Variants in FAM3D observed in about 807,000 individuals in gnomAD.
FAM3D encodes FAM3 metabolism regulating signaling molecule D.
Under a neutral mutation model 29.8 loss-of-function variants are expected in FAM3D, and 26 were observed. That is an observed-to-expected ratio of 0.87 (90% CI 0.64 to 1.21). The LOEUF (loss-of-function observed/expected upper bound fraction) is 1.21. FAM3D is among the 50% of genes most tolerant of loss of function. FAM3D has a pLI of 0.00. For synonymous variants in FAM3D, 115 were observed against 102.3 expected (o/e 1.12, Z -0.75); for missense variants, 253 against 290.9 (o/e 0.87, Z 0.95).
rs547077564 is a variant in FAM3D at position 58,646,772 on chromosome 3, C to T, written c.146-1146G>A. On this transcript the variant is annotated intron_variant, in intron 4 of 9. Transcript: ENST00000358781. The stretch of plus-strand genomic sequence containing the variant: ...CCAAGACCTTGCTGCATGCAAGGCA[C>T]TGGGGCCAGGACTTTGTGTTTATTA... 2.1e-3 allele frequency among the ~76,000 whole-genome samples: 325 copies of T among 152,342 alleles called. 2 individuals carry two copies. Among genetic ancestry groups the T allele is most frequent in the African/African-American group, 7.3e-3 (302 of 41,572 alleles).
rs369983277 is a variant in FAM3D, at chr3:58,652,854, ATCCATCTG to A, written c.121+812_121+819del. ...TCTTCACTCATCCATCCATCTGTCC[ATCCATCTG>A]TCCATCCATCCATCCATCCATCCAT... On this transcript the variant is annotated intron_variant, in intron 3 of 9. Transcript: ENST00000358781. Among the ~76,000 whole-genome samples, 56 of 134,382 alleles carry A rather than the reference ATCCATCTG, an allele frequency of 4.2e-4. 1 individual carries two copies. Among genetic ancestry groups the A allele is most frequent in the South Asian group, 8.4e-4 (3 of 3,554 alleles). The allele number at this position is 134,382 out of a possible 152,430, so 88.2% of individuals were successfully genotyped here. A position where few individuals can be genotyped will look rare whatever the true frequency, so the allele number is the denominator to read the frequency against.
chr3:58,640,496 T>C (rs553780291), intron 6 of FAM3D, among the ~76,000 whole-genome samples: 79 of 152,334 alleles, frequency 5.2e-4, no homozygotes, highest in African/African-American at 1.9e-3. Flanking sequence ...GTACAATGGG[T>C]TGTGGGAACT....
At chr3:58,640,847 A>G (rs1340479542) in intron 6 of FAM3D, among the ~76,000 whole-genome samples, 2 of 152,048 alleles carry the variant, frequency 1.3e-5, no homozygotes, top group Non-Finnish European at 2.9e-5. Context: ...AGGCTTACGG[A>G]GGAGGGTGGG....
In FAM3D at chr3:58,635,888, G is replaced by A. The variant is rs905796160; in HGVS notation, c.585+406C>T. On this transcript the variant is annotated intron_variant, in intron 9 of 9. Coordinates refer to ENST00000358781, the MANE Select transcript of FAM3D (RefSeq NM_138805.3). The surrounding 1 kb of genome is among the most constrained non-coding windows in gnomAD (Gnocchi z 5.2). ...TCCCTGCCTTCTGACTTCCCTCCTC[G>A]TTTTCTCCATGCCTCGCCAGGGAGG... Among the ~76,000 whole-genome samples the A allele has an allele frequency of 2.0e-5, 3 of 151,992 alleles. No homozygotes were observed. The highest frequency in any genetic ancestry group is 2.1e-4 in the South Asian group (1 of 4,812).
intron 1 of FAM3D, among the ~76,000 whole-genome samples, chr3:58,660,007 T>A (rs1268840639): frequency 6.6e-6 from 1 of 152,150 alleles, no homozygotes; most frequent in Non-Finnish European, 1.5e-5. Context: ...GCTCCACTTG[T>A]CTCTACCAGC....
At chr3:58,658,994 T>C (rs1164863874) in intron 1 of FAM3D, among the ~76,000 whole-genome samples, 1 of 152,206 alleles carries the variant, frequency 6.6e-6, no homozygotes, top group Non-Finnish European at 1.5e-5. Flanking sequence ...CCTGTGATAC[T>C]GGGAGAAGAG....
chr3:58,661,477 G>GACAGATC (rs756189014), intron 1 of FAM3D, among the ~76,000 whole-genome samples: 37 of 152,190 alleles, frequency 2.4e-4, no homozygotes, highest in Non-Finnish European at 4.9e-4. Context: ...CCATTCACCT[G>GACAGATC]ACAGATCATC....
At chr3:58,652,893 C>CATCT (rs1553635890) in intron 3 of FAM3D, among the ~76,000 whole-genome samples, 1 of 150,920 alleles carries the variant, frequency 6.6e-6, no homozygotes, top group African/African-American at 2.5e-5. Context: ...TCCATCCATC[C>CATCT]ATCTCTCCAT....
chr3:58,655,009 G>A (rs2066750559), intron 2 of FAM3D, among the ~76,000 whole-genome samples: 1 of 152,176 alleles, frequency 6.6e-6, no homozygotes, highest in African/African-American at 2.4e-5. Context: ...ACTGAGAGGC[G>A]GTCACTTCCC....
At chr3:58,642,626 CGT>C (rs2066366074) in intron 6 of FAM3D, among the ~76,000 whole-genome samples, 1 of 152,188 alleles carries the variant, frequency 6.6e-6, no homozygotes, top group Non-Finnish European at 1.5e-5. Flanking sequence ...CCTCCTGAAA[CGT>C]GTCCCTACTT....
In FAM3D at chr3:58,634,019, A is replaced by G. The variant is rs1345956764; in HGVS notation, c.*260T>C. ...TTGTCCTTCCTCAGGACCAGCCGTC[A>G]GCAGTCCCTGACGAAAGCACCCCAT... is the stretch of plus-strand genomic sequence containing the variant. On this transcript the variant is annotated 3_prime_UTR_variant, in exon 10 of 10. Transcript: ENST00000358781. This position sits in a 1 kb window ranked among gnomAD's most constrained non-coding sequence, Gnocchi z 4.6. 2 of 460,846 alleles carry G rather than the reference A, an allele frequency of 4.3e-6. No individual in the cohort carries two copies. Among genetic ancestry groups the G allele is most frequent in the Non-Finnish European group, 7.7e-6 (2 of 260,526 alleles). The allele number at this position is 460,846 out of a possible 1,614,324, so 28.5% of individuals were successfully genotyped here. A position where few individuals can be genotyped will look rare whatever the true frequency, so the allele number is the denominator to read the frequency against.
At chr3:58,642,979 A>G (rs973182168) in intron 6 of FAM3D, among the ~76,000 whole-genome samples, 1 of 152,118 alleles carries the variant, frequency 6.6e-6, no homozygotes, top group Non-Finnish European at 1.5e-5. Context: ...CCCTGCCTGG[A>G]AAGAGCCTTC....
At chr3:58,663,389 T>A (rs1402114280) in intron 1 of FAM3D, among the ~76,000 whole-genome samples, 1 of 152,180 alleles carries the variant, frequency 6.6e-6, no homozygotes, top group Non-Finnish European at 1.5e-5. Flanking sequence ...GGGGGTGTCA[T>A]GTGAGCCCCC....
chr3:58,644,102 G>T (rs554842325), intron 5 of FAM3D, among the ~76,000 whole-genome samples: 192 of 152,288 alleles, frequency 1.3e-3, no homozygotes, highest in Non-Finnish European at 2.2e-3. Context: ...GTTCCTGCTG[G>T]CCCGGCATCC....
intron 7 of FAM3D, 106 bp from the exon 8 acceptor site, chr3:58,637,331 A>C: frequency 1.9e-6 from 2 of 1,028,564 alleles, no homozygotes; most frequent in Non-Finnish European, 2.9e-6. Flanking sequence ...GGCCCGGTGG[A>C]CACTGGGCTG....
intron 1 of FAM3D, among the ~76,000 whole-genome samples, chr3:58,656,015 T>C (rs1356851441): frequency 6.6e-6 from 1 of 152,138 alleles, no homozygotes; most frequent in Non-Finnish European, 1.5e-5. Flanking sequence ...CACTTTTCCA[T>C]CCATCTGTCT....
In FAM3D at chr3:58,636,414, G is replaced by T. The variant is rs369218603; in HGVS notation, c.465C>A (p.Asn155Lys). The T allele has an allele frequency of 1.9e-6, 3 of 1,613,980 alleles. No individual in the cohort carries two copies. The highest frequency in any genetic ancestry group is 1.3e-5 in the African/African-American group (1 of 74,924). The change falls in exon 9 of 10, where the codon AAC becomes AAA. Residue 155 changes from asparagine (N) to lysine (K), a missense_variant. By Grantham distance (94) the Asn-to-Lys change is moderately conservative. Coordinates refer to ENST00000358781, the MANE Select transcript of FAM3D (RefSeq NM_138805.3). ...ASYDDPGTKM[N>K]DESRKLFSDL... The stretch of plus-strand genomic sequence containing the variant: ...CAGAGAAGAGTTTCCTGCTTTCATC[G>T]TTCATTCTGCAGAGGACCAGAGAGG...
chr3:58,635,158 G>C lies in FAM3D; in HGVS notation c.586-790C>G, dbSNP rs2066126933. ...CCACTGCACTCCAGCCTAGGTGACA[G>C]AGCGAGACCCTATCTCTAAAATATA... On this transcript the variant is annotated intron_variant, in intron 9 of 9. Coordinates refer to ENST00000358781, the MANE Select transcript of FAM3D (RefSeq NM_138805.3). This position sits in a 1 kb window ranked among gnomAD's most constrained non-coding sequence, Gnocchi z 5.2. Among the ~76,000 whole-genome samples, 1 of 152,160 alleles carries C rather than the reference G, an allele frequency of 6.6e-6. No individual in the cohort carries two copies. The highest frequency in any genetic ancestry group is 1.5e-5 in the Non-Finnish European group (1 of 68,030).
At chr3:58,655,264 C>T (rs543965416) in intron 2 of FAM3D, among the ~76,000 whole-genome samples, 1 of 152,270 alleles carries the variant, frequency 6.6e-6, no homozygotes, top group Non-Finnish European at 1.5e-5. Flanking sequence ...AATAGCCCTC[C>T]TCGAGGTAAA....
Sources: allele counts gnomAD v4.1 joint callset (sites outside exome capture counted in the v4.1 genomes callset), GRCh38; gene constraint gnomAD v4.1.1; non-coding constraint Gnocchi (gnomAD v3.1); transcripts MANE v1.5; gene names NCBI Gene and HGNC (gene_info 2026-07-23, HGNC 2026-07-21).